PRH1: variants seen among roughly 807,000 people sequenced by gnomAD.
PRH1 encodes salivary acidic proline-rich phosphoprotein 1/2.
PRH1 carries 7 observed loss-of-function variants against 7.9 expected under a neutral mutation model. The observed-to-expected ratio is 0.89, with a 90% CI of 0.50 to 1.67. The LOEUF (loss-of-function observed/expected upper bound fraction) is 1.67, where lower values mean the gene tolerates loss of function less well. PRH1 is among the 40% of genes most tolerant of loss of function. PRH1 has a pLI of 0.00. For synonymous variants in PRH1, 45 were observed against 80.8 expected (o/e 0.56, Z 2.38); for missense variants, 109 against 223.6 (o/e 0.49, Z 3.27).
chr12:10,959,053 G>C (rs1482719584), intron 2 of PRH1, among the ~76,000 whole-genome samples: 2 of 152,168 alleles, frequency 1.3e-5, no homozygotes, highest in Non-Finnish European at 2.9e-5. Context: ...GTTTAGACTA[G>C]TATGGCAGAG....
chr12:11,169,577 T>C (rs765013745), intron 1 of PRH1, among the ~76,000 whole-genome samples: 13 of 152,060 alleles, frequency 8.5e-5, no homozygotes, highest in African/African-American at 2.9e-4. Flanking sequence ...AAAAGAGGAA[T>C]AGAAGACAGA....
intron 1 of PRH1, among the ~76,000 whole-genome samples, chr12:11,165,237 G>A (rs1270214317): frequency 6.6e-6 from 1 of 152,054 alleles, no homozygotes; most frequent in Non-Finnish European, 1.5e-5. Flanking sequence ...TAATGTATGA[G>A]GATTCTAGTT....
At chr12:10,922,045 C>T (rs1268096562) in intron 2 of PRH1, among the ~76,000 whole-genome samples, 1 of 152,218 alleles carries the variant, frequency 6.6e-6, no homozygotes, top group Admixed American at 6.5e-5. Flanking sequence ...TCGGGGATTA[C>T]AGGCAGGTGC....
chr12:11,006,721 A>G (rs1019046889), intron 1 of PRH1, among the ~76,000 whole-genome samples: 3 of 152,126 alleles, frequency 2.0e-5, no homozygotes, highest in Admixed American at 6.6e-5. Flanking sequence ...TTGGATATAC[A>G]CTTCATTCCT....
chr12:10,930,278 A>G, intron 2 of PRH1: 2 of 1,613,348 alleles, frequency 1.2e-6, no homozygotes, highest in Non-Finnish European at 1.7e-6. Flanking sequence ...GATGTCAGCC[A>G]AGAAGACGTT....
intron 1 of PRH1, among the ~76,000 whole-genome samples, chr12:10,999,022 TC>T (rs1220423942): frequency 1.3e-5 from 2 of 152,050 alleles, no homozygotes; most frequent in Admixed American, 1.3e-4. Flanking sequence ...CAGCCTTAAA[TC>T]GGCCAAACTC....
At chr12:11,064,230 C>T (rs1231565467) in intron 1 of PRH1, among the ~76,000 whole-genome samples, 2 of 143,188 alleles carry the variant, frequency 1.4e-5, no homozygotes, top group Non-Finnish European at 3.1e-5. Context: ...TAAACTCCAT[C>T]GCTTGGTCTG....
chr12:10,924,233 C>A (rs373833861), intron 2 of PRH1, among the ~76,000 whole-genome samples: 1 of 152,228 alleles, frequency 6.6e-6, no homozygotes, highest in East Asian at 1.9e-4. Context: ...ATGATCCACC[C>A]GCCTCGGCCT....
At position 11,081,363 on chromosome 12, in the gene PRH1, G is replaced by T. The variant is rs1221251057; in HGVS notation, n.124-34175C>A. Among the ~76,000 whole-genome samples the T allele has an allele frequency of 9.4e-5, 9 of 96,128 alleles. 3 individuals carry two copies. Among genetic ancestry groups the T allele is most frequent in the Admixed American group, 3.2e-4 (3 of 9,464 alleles). 63.1% of individuals were successfully genotyped at this position (96,128 alleles called of 152,430 possible). A position where few individuals can be genotyped will look rare whatever the true frequency, so the allele number is the denominator to read the frequency against. ...TTCTCCTTCCATAAATCATTTTCTA[G>T]GGAGAAACTGAACAAACTACTCTTA... On this transcript the variant is annotated intron_variant and non_coding_transcript_variant, in intron 1 of 4. Transcript: ENST00000541977.
intron 2 of PRH1, chr12:10,938,307 T>C (rs1186389475): frequency 1.9e-6 from 3 of 1,613,666 alleles, no homozygotes; most frequent in Non-Finnish European, 2.5e-6. Context: ...TCTTTGAACA[T>C]GTACCTCAGC....
At chr12:11,009,231 G>T (rs1312806261) in intron 1 of PRH1, among the ~76,000 whole-genome samples, 1 of 151,700 alleles carries the variant, frequency 6.6e-6, no homozygotes, top group Non-Finnish European at 1.5e-5. Context: ...TGATTCCATT[G>T]AATTCCCGCT....
At chr12:10,960,293 G>C (rs1170117176) in intron 2 of PRH1, among the ~76,000 whole-genome samples, 1 of 152,238 alleles carries the variant, frequency 6.6e-6, no homozygotes, top group African/African-American at 2.4e-5. Context: ...CTGAAAGGAA[G>C]CTTAAGTCCT....
At chr12:11,052,883 T>G (rs1273329258) in intron 1 of PRH1, among the ~76,000 whole-genome samples, 1 of 152,186 alleles carries the variant, frequency 6.6e-6, no homozygotes, top group East Asian at 1.9e-4. Context: ...CAAACTACTC[T>G]TAACACTCTG....
At chr12:11,087,253 C>T (rs1353229865) in intron 1 of PRH1, among the ~76,000 whole-genome samples, 2 of 116,906 alleles carry the variant, frequency 1.7e-5, no homozygotes, top group African/African-American at 5.8e-5. Flanking sequence ...AGGCATGCAC[C>T]AACATGCCAG....
intron 2 of PRH1, among the ~76,000 whole-genome samples, chr12:10,971,491 A>G (rs1381324292): frequency 6.6e-6 from 1 of 151,864 alleles, no homozygotes; most frequent in South Asian, 2.1e-4. Flanking sequence ...GTATGCCATA[A>G]TTTATTTATC....
At chr12:10,968,365 G>A (rs573698361) in intron 2 of PRH1, among the ~76,000 whole-genome samples, 47 of 152,140 alleles carry the variant, frequency 3.1e-4, no homozygotes, top group South Asian at 1.2e-3. Flanking sequence ...TTTAAATTAC[G>A]TAGGCATTAT....
At chr12:11,084,276 G>GTA (rs1944605948) in intron 1 of PRH1, among the ~76,000 whole-genome samples, 2 of 122,770 alleles carry the variant, frequency 1.6e-5, no homozygotes, top group African/African-American at 3.0e-5. Flanking sequence ...CGAAGTGTTG[G>GTA]TTTCTTTTGT....
At chr12:10,908,199 T>TCATAAATA in intron 2 of PRH1, 1 of 501,138 alleles carries the variant, frequency 2.0e-6, no homozygotes, top group Non-Finnish European at 3.4e-6. Context: ...GAAATACATG[T>TCATAAATA]CATAAATACA....
At chr12:11,065,872 T>C (rs1943786650) in intron 1 of PRH1, among the ~76,000 whole-genome samples, 2 of 152,182 alleles carry the variant, frequency 1.3e-5, no homozygotes, top group Admixed American at 1.3e-4. Context: ...TAGCTTTTTT[T>C]GGATAGTAGC....
Sources: allele counts gnomAD v4.1 joint callset (sites outside exome capture counted in the v4.1 genomes callset), GRCh38; gene constraint gnomAD v4.1.1; transcripts MANE v1.5; gene names NCBI Gene and HGNC (gene_info 2026-07-23, HGNC 2026-07-21).